The following MAP3K13 variants were observed in gnomAD, a reference collection of about 807,000 sequenced individuals.
MAP3K13 encodes the protein leucine zipper-bearing kinase.
In MAP3K13, 52 loss-of-function variants were observed where a neutral mutation model predicts 104.0. That is an observed-to-expected ratio of 0.50 (90% CI 0.40 to 0.63). MAP3K13 has a LOEUF of 0.63. Ranked by LOEUF, MAP3K13 falls within the 20% of genes least tolerant of loss-of-function variation. The pLI, the probability that MAP3K13 is intolerant of heterozygous loss-of-function variation, is 0.00. For missense variants in MAP3K13, 914 were observed against 1,218.5 expected (o/e 0.75, Z 3.72); for synonymous variants, 394 against 442.2 (o/e 0.89, Z 1.37).
In MAP3K13 at chr3:185,368,925, C is replaced by T. The variant is rs533939276; in HGVS notation, c.-86+5557C>T. On this transcript the variant is annotated intron_variant, in intron 1 of 13. Transcript: ENST00000265026. ...GGTGAGCCGAGATTGCACCACTGCA[C>T]TCCAGCCTGGGCAATAAGAGTGAAA... is the stretch of plus-strand genomic sequence containing the variant. 1.5e-4 allele frequency among the ~76,000 whole-genome samples: 23 copies of T among 149,166 alleles called. No individual in the cohort carries two copies. In the South Asian group the frequency reaches 4.7e-3, roughly 30 times the overall value.
upstream of MAP3K13, among the ~76,000 whole-genome samples, chr3:185,362,176 T>G (rs1388990159): frequency 6.6e-6 from 1 of 152,226 alleles, no homozygotes; most frequent in Non-Finnish European, 1.5e-5. Context: ...TTGAGGCCAT[T>G]TCCCAAGTTC....
At chr3:185,328,075 G>C (rs914648594) in intron 2 of MAP3K13, among the ~76,000 whole-genome samples, 3 of 152,160 alleles carry the variant, frequency 2.0e-5, no homozygotes, top group African/African-American at 7.2e-5. Flanking sequence ...AATGTGGCAA[G>C]AGATGAAGCA....
chr3:185,374,153 A>C (rs1033096257), intron 1 of MAP3K13, among the ~76,000 whole-genome samples: 10 of 151,844 alleles, frequency 6.6e-5, no homozygotes, highest in Non-Finnish European at 1.2e-4. Flanking sequence ...CTTTTTGTGG[A>C]TCTTCAGTTA....
At position 185,454,922 on chromosome 3, in the gene MAP3K13, T is replaced by TATATATATGATATATATATGAG. The variant is rs1560117894; in HGVS notation, c.1278+3558_1278+3579dup. Among the ~76,000 whole-genome samples, 10 of 86,192 alleles carry TATATATATGATATATATATGAG rather than the reference T, an allele frequency of 1.2e-4. 2 individuals are homozygous for TATATATATGATATATATATGAG. Among genetic ancestry groups the TATATATATGATATATATATGAG allele is most frequent in the East Asian group, 5.4e-4 (2 of 3,676 alleles). The allele number at this position is 86,192 out of a possible 152,430, so 56.5% of individuals were successfully genotyped here. A position where few individuals can be genotyped will look rare whatever the true frequency, so the allele number is the denominator to read the frequency against. Reference sequence around the variant, plus strand: ...ATATATATATGATATATATATGAGATATATATATGATATATATATGAGATA... The same window carrying TATATATATGATATATATATGAG: ...ATATATATATGATATATATATGAGATATATATATGATATATATATGAGATATATATGATATATATATGAGATA... On this transcript the variant is annotated intron_variant, in intron 7 of 13. Coordinates refer to ENST00000265026, the MANE Select transcript of MAP3K13 (RefSeq NM_004721.5).
chr3:185,292,806 G>A (rs1478853966), intron 2 of MAP3K13: 5 of 985,128 alleles, frequency 5.1e-6, no homozygotes, highest in African/African-American at 3.5e-5. Flanking sequence ...CTAAGAAGGA[G>A]CACGAATATA....
chr3:185,415,573 A>ATTTTTTTTTT (rs34633048), intron 1 of MAP3K13, among the ~76,000 whole-genome samples: 2 of 119,450 alleles, frequency 1.7e-5, no homozygotes, highest in South Asian at 2.9e-4. Flanking sequence ...AGAAGGGTTA[A>ATTTTTTTTTT]TTTCTTTTTT....
chr3:185,437,031 AAT>A (rs1275281321), intron 2 of MAP3K13, among the ~76,000 whole-genome samples: 31 of 113,208 alleles, frequency 2.7e-4, no homozygotes, highest in Admixed American at 7.4e-4. Flanking sequence ...AAAAAAAAAA[AAT>A]TAGCAAAGAT....
chr3:185,448,485 T>C (rs1290422723), intron 5 of MAP3K13, among the ~76,000 whole-genome samples: 1 of 152,232 alleles, frequency 6.6e-6, no homozygotes, highest in African/African-American at 2.4e-5. Flanking sequence ...ATAAGTCTTT[T>C]CTATTAACAG....
In MAP3K13 at chr3:185,477,035, T is replaced by A. The variant is rs1718171140; in HGVS notation, c.2431-291T>A. 3 of 535,150 alleles carry A rather than the reference T, an allele frequency of 5.6e-6. No homozygotes were observed. In the Admixed American group the frequency reaches 7.1e-5, roughly 13 times the overall value. The allele number at this position is 535,150 out of a possible 1,614,324, so 33.2% of individuals were successfully genotyped here. On this transcript the variant is annotated intron_variant, in intron 11 of 13. Coordinates refer to ENST00000265026, the MANE Select transcript of MAP3K13 (RefSeq NM_004721.5). ...ACCTCCTCTCCAACTTCCCTCTCCA[T>A]CACTCACCTCTGGACACTTTAATAG...
chr3:185,411,291 G>A (rs1713428812), intron 1 of MAP3K13, among the ~76,000 whole-genome samples: 1 of 152,174 alleles, frequency 6.6e-6, no homozygotes, highest in Non-Finnish European at 1.5e-5. Context: ...CACATAGCCA[G>A]AATGTACGTC....
At position 185,455,656 on chromosome 3, in the gene MAP3K13, T is replaced by TATATATGATATATATGA. The variant is rs1560120178; in HGVS notation, c.1278+4261_1278+4262insATATATGATATATATGA. 5.3e-4 allele frequency among the ~76,000 whole-genome samples: 17 copies of TATATATGATATATATGA among 32,132 alleles called. 1 individual carries two copies. The highest frequency in any genetic ancestry group is 6.6e-4 in the Non-Finnish European group (10 of 15,122). 21.1% of individuals were successfully genotyped at this position (32,132 alleles called of 152,430 possible). A position where few individuals can be genotyped will look rare whatever the true frequency, so the allele number is the denominator to read the frequency against. On this transcript the variant is annotated intron_variant, in intron 7 of 13. Transcript: ENST00000265026. Reference sequence around the variant, plus strand: ...ATATGATATATATGAGATATATATATGATATATATATGATATATATATGAG... The same window carrying TATATATGATATATATGA: ...ATATGATATATATGAGATATATATATATATATGATATATATGAGATATATATATGATATATATATGAG...
intron 1 of MAP3K13, among the ~76,000 whole-genome samples, chr3:185,371,519 G>A (rs1249605774): frequency 6.6e-6 from 1 of 152,214 alleles, no homozygotes; most frequent in Non-Finnish European, 1.5e-5. Flanking sequence ...AATTTGCATT[G>A]TGAATTCCTG....
intron 13 of MAP3K13, chr3:185,481,443 T>C (rs1718446754): frequency 6.6e-6 from 1 of 152,010 alleles, no homozygotes; most frequent in Non-Finnish European, 1.5e-5. Context: ...TGAGCTATGA[T>C]CACACCACTG....
intron 1 of MAP3K13, among the ~76,000 whole-genome samples, chr3:185,407,555 G>A (rs1355251310): frequency 6.6e-6 from 1 of 152,166 alleles, no homozygotes; most frequent in Non-Finnish European, 1.5e-5. Flanking sequence ...AAAGTATCAG[G>A]AAAAGTATCA....
rs1304979349 is a variant in MAP3K13, at chr3:185,482,343, T to A, written c.2800-12T>A. The A allele has an allele frequency of 1.9e-6, 3 of 1,595,212 alleles. No homozygotes were observed. In the East Asian group the frequency reaches 6.7e-5, roughly 36 times the overall value. Reference sequence around the variant, plus strand: ...TATCGAAATGAATTAAGGTTTTGTCTTGCCTTTGCAGAACCCCATGCAGTT... The same window carrying A: ...TATCGAAATGAATTAAGGTTTTGTCATGCCTTTGCAGAACCCCATGCAGTT... On this transcript the variant is annotated splice_polypyrimidine_tract_variant and intron_variant, in intron 13 of 13. Transcript: ENST00000265026. The surrounding 1 kb of genome is among the most constrained non-coding windows in gnomAD (Gnocchi z 4.5).
At chr3:185,361,098 A>ATATGTG (rs1419574006), upstream of MAP3K13, among the ~76,000 whole-genome samples, 38 of 146,690 alleles carry the variant, frequency 2.6e-4, 1 homozygote, top group Middle Eastern at 0.014. Flanking sequence ...ATATATATAT[A>ATATGTG]TGTGTGTGTG....
intron 4 of MAP3K13, 138 bp downstream of exon 4, chr3:185,443,774 G>A (rs1034299180): frequency 2.0e-5 from 14 of 688,366 alleles, no homozygotes; most frequent in East Asian, 2.7e-5. Flanking sequence ...TTCTGTTTGC[G>A]CATCTCTTGG....
intron 13 of MAP3K13, among the ~76,000 whole-genome samples, chr3:185,480,839 G>A (rs1718406555): frequency 6.6e-6 from 1 of 152,124 alleles, no homozygotes; most frequent in South Asian, 2.1e-4. Context: ...GAAAGCAAAG[G>A]GGAAAGTGCC....
intron 2 of MAP3K13, among the ~76,000 whole-genome samples, chr3:185,286,351 C>T (rs769102485): frequency 1.3e-5 from 2 of 151,968 alleles, no homozygotes; most frequent in Non-Finnish European, 2.9e-5. Context: ...TTGCTGGTCT[C>T]CTTTGTAGAT....
Sources: gnomAD v4.1 joint callset for allele counts (sites outside exome capture counted in the v4.1 genomes callset) on GRCh38, gnomAD v4.1.1 for gene constraint, Gnocchi (gnomAD v3.1) non-coding constraint, MANE v1.5 for transcripts, NCBI Gene and HGNC (gene_info 2026-07-23, HGNC 2026-07-21) for gene names.